The following MYO3B variants were observed in gnomAD, a reference collection of about 807,000 sequenced individuals.
MYO3B encodes myosin IIIB.
Under a neutral mutation model 174.6 loss-of-function variants are expected in MYO3B, and 156 were observed. The ratio of observed to expected loss-of-function variants is 0.89; its 90% CI spans 0.78 to 1.02. The LOEUF is 1.02. Ranked by LOEUF, MYO3B falls within the 50% of genes least tolerant of loss-of-function variation. The pLI, the probability that MYO3B is intolerant of heterozygous loss-of-function variation, is 0.00. For synonymous variants in MYO3B, 563 were observed against 569.1 expected (o/e 0.99, Z 0.15); for missense variants, 1,632 against 1,639.4 (o/e 1.00, Z 0.08).
chr2:170,263,916 A>G (rs1225952840), intron 7 of MYO3B, among the ~76,000 whole-genome samples: 1 of 152,094 alleles, frequency 6.6e-6, no homozygotes, highest in Non-Finnish European at 1.5e-5. Flanking sequence ...GCCATATCTC[A>G]GGCTATCACA....
At chr2:170,327,351 C>A (rs1332883511) in intron 7 of MYO3B, among the ~76,000 whole-genome samples, 1 of 152,230 alleles carries the variant, frequency 6.6e-6, no homozygotes, top group African/African-American at 2.4e-5. Context: ...CGCCACTGCA[C>A]TCCAGCCTGG....
chr2:170,270,144 TC>T (rs2093415596), intron 7 of MYO3B, among the ~76,000 whole-genome samples: 1 of 152,202 alleles, frequency 6.6e-6, no homozygotes, highest in Admixed American at 6.5e-5. Flanking sequence ...AACAGTGCTT[TC>T]CTCTGAGGAG....
At chr2:170,184,805 CA>C (rs1384802235) in intron 1 of MYO3B, among the ~76,000 whole-genome samples, 4 of 152,148 alleles carry the variant, frequency 2.6e-5, no homozygotes, top group Non-Finnish European at 5.9e-5. Context: ...TTCCCACCAA[CA>C]GTGTACAAGA....
At chr2:170,257,566 T>C (rs2093315087) in intron 7 of MYO3B, among the ~76,000 whole-genome samples, 1 of 152,054 alleles carries the variant, frequency 6.6e-6, no homozygotes, top group Non-Finnish European at 1.5e-5. Context: ...CATACCAAAA[T>C]TTCTGGGATG....
chr2:170,286,066 C>T (rs1377729574), intron 7 of MYO3B, among the ~76,000 whole-genome samples: 4 of 152,016 alleles, frequency 2.6e-5, no homozygotes, highest in African/African-American at 2.4e-5. Context: ...TTTGACAATC[C>T]TTGTGTGAAT....
At chr2:170,546,971 C>A (rs1172279616) in intron 32 of MYO3B, among the ~76,000 whole-genome samples, 3 of 152,050 alleles carry the variant, frequency 2.0e-5, no homozygotes, top group African/African-American at 7.2e-5. Context: ...CTTAGAGCAG[C>A]CACTCAAATA....
chr2:170,326,956 T>C (rs2105511307), intron 7 of MYO3B, among the ~76,000 whole-genome samples: 1 of 152,340 alleles, frequency 6.6e-6, no homozygotes, highest in Non-Finnish European at 1.5e-5. Context: ...ACTTACTGAC[T>C]ATAGTGGTTA....
intron 25 of MYO3B, among the ~76,000 whole-genome samples, chr2:170,482,310 A>G (rs765987589): frequency 3.9e-5 from 6 of 152,084 alleles, no homozygotes; most frequent in African/African-American, 1.2e-4. Flanking sequence ...GCGCACCACC[A>G]TGCCTAACTA....
rs539215132 is a variant in MYO3B, at chr2:170,602,376, G to A, written c.3734-49252G>A. 22 of 592,344 alleles carry A rather than the reference G, an allele frequency of 3.7e-5. No homozygotes were observed. The East Asian group carries it at 6.0e-4, about 16-fold the overall frequency. 36.7% of individuals were successfully genotyped at this position (592,344 alleles called of 1,614,324 possible). A position where few individuals can be genotyped will look rare whatever the true frequency, so the allele number is the denominator to read the frequency against. On this transcript the variant is annotated intron_variant, in intron 32 of 34. Coordinates refer to ENST00000408978, the MANE Select transcript of MYO3B (RefSeq NM_138995.5). ...ATAGCCTCCTCACCCTCTCCACTCTGTAACATTAACCTTCCTTGTTTTTAT... is the reference window on the plus strand; with the variant it reads ...ATAGCCTCCTCACCCTCTCCACTCTATAACATTAACCTTCCTTGTTTTTAT...
At chr2:170,226,344 T>G (rs2092951633) in intron 6 of MYO3B, among the ~76,000 whole-genome samples, 1 of 152,244 alleles carries the variant, frequency 6.6e-6, no homozygotes, top group Non-Finnish European at 1.5e-5. Flanking sequence ...GTTGCCTGGT[T>G]CACCCCAGGC....
At chr2:170,557,593 A>G (rs1245356523) in intron 32 of MYO3B, among the ~76,000 whole-genome samples, 1 of 152,176 alleles carries the variant, frequency 6.6e-6, no homozygotes, top group African/African-American at 2.4e-5. Context: ...TTGAGCACCC[A>G]CTAAATGGCA....
At chr2:170,380,986 T>G (rs558091088) in intron 9 of MYO3B, among the ~76,000 whole-genome samples, 104 of 152,268 alleles carry the variant, frequency 6.8e-4, no homozygotes, top group Middle Eastern at 3.4e-3. Flanking sequence ...CCAGGCACAA[T>G]AGTGCATACT....
chr2:170,462,313 C>G (rs1684344096), intron 23 of MYO3B, among the ~76,000 whole-genome samples: 1 of 152,188 alleles, frequency 6.6e-6, no homozygotes, highest in South Asian at 2.1e-4. Context: ...GGTTGTTTTT[C>G]TAGGTTTTGA....
intron 6 of MYO3B, among the ~76,000 whole-genome samples, chr2:170,231,550 C>T (rs2093016559): frequency 6.6e-6 from 1 of 152,158 alleles, no homozygotes; most frequent in South Asian, 2.1e-4. Flanking sequence ...TCTAACTGTA[C>T]CAGAAGAGCC....
chr2:170,249,958 A>G (rs2093233224), intron 7 of MYO3B, among the ~76,000 whole-genome samples: 1 of 152,218 alleles, frequency 6.6e-6, no homozygotes, highest in African/African-American at 2.4e-5. Flanking sequence ...AAATGCTGGC[A>G]CTTCTCCTCC....
chr2:170,192,273 CTTAAG>C (rs2092549974), intron 1 of MYO3B, among the ~76,000 whole-genome samples: 1 of 148,030 alleles, frequency 6.8e-6, no homozygotes, highest in Non-Finnish European at 1.5e-5. Context: ...TATATGTCTA[CTTAAG>C]TTTTCTATTT....
chr2:170,399,268 AGAG>A lies in MYO3B; in HGVS notation c.1792-919_1792-917del, dbSNP rs1272001081. 1.8e-4 allele frequency among the ~76,000 whole-genome samples: 9 copies of A among 48,974 alleles called. 2 individuals carry two copies. Among genetic ancestry groups the A allele is most frequent in the Non-Finnish European group, 4.2e-4 (8 of 19,048 alleles). 32.1% of individuals were successfully genotyped at this position (48,974 alleles called of 152,430 possible). ...AAAAAAAAAAAAAAAAAAAAAAAAG[AGAG>A]AGACCAGTCTGGCCAACAGGGCAAA... On this transcript the variant is annotated intron_variant, in intron 16 of 34. Coordinates refer to ENST00000408978, the MANE Select transcript of MYO3B (RefSeq NM_138995.5).
Position 170,206,839 on chromosome 2 carries a change from T to C in MYO3B, c.321+6555T>C, listed in dbSNP as rs116580612. On this transcript the variant is annotated intron_variant, in intron 3 of 34. Transcript: ENST00000408978. This position sits in a 1 kb window ranked among gnomAD's most constrained non-coding sequence, Gnocchi z 4.3. ...TATTGTAACCACAAAGTCCTTGTGA[T>C]AATAAAACTGTATTTTCTCCCTTTG... Among the ~76,000 whole-genome samples the C allele has an allele frequency of 3.2e-3, 483 of 152,268 alleles. 3 individuals are homozygous for C. The highest frequency in any genetic ancestry group is 0.011 in the African/African-American group (460 of 41,556).
At position 170,217,383 on chromosome 2, in the gene MYO3B, G is replaced by T. The variant is rs763721134; in HGVS notation, c.591G>T (p.Trp197Cys). 8 of 1,613,846 alleles carry T rather than the reference G, an allele frequency of 5.0e-6. No homozygotes were observed. The Admixed American group carries it at 8.3e-5, about 17-fold the overall frequency. ...RRNTSVGTPF[W>C]MAPEVIACEQ... Reference sequence around the variant, plus strand: ...ACACATCTGTTGGCACCCCGTTCTGGATGGCCCCTGAGGTAAGCTGGAAAT... The same window carrying T: ...ACACATCTGTTGGCACCCCGTTCTGTATGGCCCCTGAGGTAAGCTGGAAAT... Residue 197 changes from tryptophan to cysteine, a missense_variant, in exon 6 of 35, where the codon TGG becomes TGT. Transcript: ENST00000408978.
Sources: allele counts gnomAD v4.1 joint callset (sites outside exome capture counted in the v4.1 genomes callset), GRCh38; gene constraint gnomAD v4.1.1; non-coding constraint Gnocchi (gnomAD v3.1); transcripts MANE v1.5; gene names NCBI Gene and HGNC (gene_info 2026-07-23, HGNC 2026-07-21).